TUB: variants seen among roughly 807,000 people sequenced by gnomAD.
The protein encoded by TUB is tubby protein homolog.
In TUB, 33 loss-of-function variants were observed where a neutral mutation model predicts 59.7. That is an observed-to-expected ratio of 0.55 (90% CI 0.42 to 0.74). The LOEUF is 0.74. Ranked by LOEUF, TUB falls within the 30% of genes least tolerant of loss-of-function variation. TUB has a pLI of 0.00. For synonymous variants in TUB, 293 were observed against 256.4 expected (o/e 1.14, Z -1.36); for missense variants, 659 against 672.0 (o/e 0.98, Z 0.21).
intron 9 of TUB, among the ~76,000 whole-genome samples, chr11:8,099,654 GATCT>G (rs1209730469): frequency 6.6e-6 from 1 of 152,210 alleles, no homozygotes; most frequent in Non-Finnish European, 1.5e-5. Flanking sequence ...CTATGAAACA[GATCT>G]ATCAGTGAAG....
chr11:8,043,045 C>T (rs1942777923), intron 2 of TUB, among the ~76,000 whole-genome samples: 1 of 152,112 alleles, frequency 6.6e-6, no homozygotes. Flanking sequence ...ATGTTTTCTT[C>T]TAAGAGCTTT....
intron 1 of TUB, among the ~76,000 whole-genome samples, chr11:8,082,302 C>T (rs1172114273): frequency 6.6e-6 from 1 of 152,232 alleles, no homozygotes; most frequent in Non-Finnish European, 1.5e-5. Context: ...AAGCCCCCCA[C>T]CCTCTGCTGC....
chr11:8,065,361 C>T (rs555232873), intron 2 of TUB, among the ~76,000 whole-genome samples: 1 of 152,210 alleles, frequency 6.6e-6, no homozygotes, highest in South Asian at 2.1e-4. Context: ...TGGTGTGTGC[C>T]CCAGGTTCAA....
chr11:8,041,348 A>G (rs1357362852), intron 2 of TUB, among the ~76,000 whole-genome samples: 1 of 152,190 alleles, frequency 6.6e-6, no homozygotes, highest in African/African-American at 2.4e-5. Flanking sequence ...ACAGGGCTGT[A>G]AGTAGGGAGA....
exon 1 of TUB, chr11:8,038,844 C>T (rs751563241): frequency 6.2e-7 from 1 of 1,610,942 alleles, no homozygotes; most frequent in East Asian, 2.2e-5. Context: ...GTGGGACCAT[C>T]CCTTAAACCC....
intron 1 of TUB, 123 bp from the exon 2 acceptor site, chr11:8,089,487 A>T: frequency 1.7e-6 from 2 of 1,189,076 alleles, no homozygotes; most frequent in Non-Finnish European, 2.5e-6. Flanking sequence ...ATGTGGGCTC[A>T]CTGAGTCCCA....
chr11:8,043,551 T>TAA (rs1336241705), intron 2 of TUB, among the ~76,000 whole-genome samples: 1 of 152,240 alleles, frequency 6.6e-6, no homozygotes, highest in Non-Finnish European at 1.5e-5. Flanking sequence ...TTTTGATCCA[T>TAA]AAATACAGGA....
chr11:8,052,722 A>G (rs574020811), intron 2 of TUB, among the ~76,000 whole-genome samples: 3 of 152,108 alleles, frequency 2.0e-5, no homozygotes, highest in African/African-American at 7.2e-5. Flanking sequence ...TGATCCGGCC[A>G]CCTTGGCCTC....
chr11:8,033,473 T>A (rs560784701), intron 1 of TUB, among the ~76,000 whole-genome samples: 3 of 152,352 alleles, frequency 2.0e-5, no homozygotes, highest in South Asian at 2.1e-4. Flanking sequence ...CCAGGCTTGA[T>A]TAGCTTTGCC....
chr11:8,079,001 C>G (rs997868834), upstream of TUB, among the ~76,000 whole-genome samples: 19 of 152,144 alleles, frequency 1.2e-4, no homozygotes, highest in Admixed American at 1.2e-3. Context: ...GTAACTTCTG[C>G]AGAAAGAGAC....
At position 8,047,597 on chromosome 11, in the gene TUB, C is replaced by G. The variant is rs138046639; in HGVS notation, c.203+7905C>G. On this transcript the variant is annotated intron_variant, in intron 2 of 12. Coordinates refer to the TUB transcript ENST00000305253. ...GCAGAAGGGCTCTGTGCAGCAGGGC[C>G]TTCCTCCTAGATTCAGGCAATATTG... is the stretch of plus-strand genomic sequence containing the variant. 4.8e-3 allele frequency among the ~76,000 whole-genome samples: 729 copies of G among 152,344 alleles called. 4 individuals carry two copies. The highest frequency in any genetic ancestry group is 0.016 in the African/African-American group (676 of 41,584).
intron 1 of TUB, among the ~76,000 whole-genome samples, chr11:8,027,892 G>T (rs1368968526): frequency 6.6e-6 from 1 of 152,204 alleles, no homozygotes; most frequent in African/African-American, 2.4e-5. Context: ...AAATGCTCCA[G>T]TGAACATTGG....
At chr11:8,024,743 G>C (rs199988184) in intron 1 of TUB, among the ~76,000 whole-genome samples, 2 of 152,276 alleles carry the variant, frequency 1.3e-5, no homozygotes, top group East Asian at 1.9e-4. Flanking sequence ...TCCAATGTTG[G>C]CTACTGTCAG....
In TUB at chr11:8,096,737, T is replaced by C. The variant is rs766471942; in HGVS notation, c.618T>C (p.Asn206=). ...AGGATGAGGAGGATGAGGAGGAGAA[T>C]AGCTCCAGCTCCTCCCAGCTAAATA... is the stretch of plus-strand genomic sequence containing the variant. The part of the protein sequence containing the change: ...FDEDEEDEEE[N]SSSSSQLNSN... Residue 206 remains asparagine (N), a synonymous_variant, in exon 6 of 12, where the codon AAT becomes AAC. Coordinates refer to ENST00000299506, the MANE Select transcript of TUB (RefSeq NM_177972.3). 5 of 1,614,020 alleles carry C rather than the reference T, an allele frequency of 3.1e-6. No individual in the cohort carries two copies. The East Asian group carries it at 8.9e-5, about 29-fold the overall frequency.
In TUB at chr11:8,104,334, A is replaced by G. The variant is rs1385345028; in HGVS notation, c.*2715A>G. ...ACTCTACACCCTCTGCCCCAGAACA[A>G]TTCTGCAGAGTGGTGAAGTTCACTT... On this transcript the variant is annotated 3_prime_UTR_variant, in exon 12 of 12. Coordinates refer to ENST00000299506, the MANE Select transcript of TUB (RefSeq NM_177972.3). 6.6e-6 allele frequency: 1 copy of G among 152,228 alleles called. No individual in the cohort carries two copies. The highest frequency in any genetic ancestry group is 2.4e-5 in the African/African-American group (1 of 41,432). 9.4% of individuals were successfully genotyped at this position (152,228 alleles called of 1,614,324 possible).
chr11:8,095,232 G>A (rs547341331), intron 4 of TUB, among the ~76,000 whole-genome samples: 167 of 152,250 alleles, frequency 1.1e-3, no homozygotes, highest in African/African-American at 3.5e-3. Context: ...GATGGCTGCC[G>A]TCTGCTTTAA....
chr11:8,038,751 G>A (rs2133727055), exon 1 of TUB: 3 of 1,506,788 alleles, frequency 2.0e-6, no homozygotes, highest in Middle Eastern at 4.1e-4. Context: ...CGGTGATGAA[G>A]GGAGACATCC....
intron 1 of TUB, among the ~76,000 whole-genome samples, chr11:8,084,207 C>T (rs1180557711): frequency 6.6e-6 from 1 of 152,070 alleles, no homozygotes; most frequent in Non-Finnish European, 1.5e-5. Context: ...ATGGTTACAC[C>T]TTGCATTCCC....
chr11:8,039,190 A>T (rs1184831379), intron 1 of TUB, among the ~76,000 whole-genome samples: 1 of 151,758 alleles, frequency 6.6e-6, no homozygotes, highest in East Asian at 1.9e-4. Context: ...ATATCCCCGC[A>T]AACCCCTCTT....
Sources: allele counts gnomAD v4.1 joint callset (sites outside exome capture counted in the v4.1 genomes callset), GRCh38; gene constraint gnomAD v4.1.1; transcripts MANE v1.5; gene names NCBI Gene and HGNC (gene_info 2026-07-23, HGNC 2026-07-21).